The following IL1RAPL2 variants were observed in gnomAD, a reference collection of about 807,000 sequenced individuals.
IL1RAPL2 encodes the protein X-linked interleukin-1 receptor accessory protein-like 2.
Under a neutral mutation model 44.1 loss-of-function variants are expected in IL1RAPL2, and 3 were observed. The ratio of observed to expected loss-of-function variants is 0.07; its 90% confidence interval spans 0.03 to 0.18. IL1RAPL2 has a LOEUF of 0.18. Among genes scored for constraint, IL1RAPL2 ranks in the 10% least tolerant of loss-of-function variants. The pLI, the probability that IL1RAPL2 is intolerant of heterozygous loss-of-function variation, is 1.00. For missense variants in IL1RAPL2, 391 were observed against 496.4 expected (o/e 0.79, Z 2.02); for synonymous variants, 181 against 178.8 (o/e 1.01, Z -0.10).
At chrX:104,577,740 A>G (rs1928269541) in intron 1 of IL1RAPL2, among the ~76,000 whole-genome samples, 2 of 111,359 alleles carry the variant, frequency 1.8e-5, no homozygotes, top group Admixed American at 1.9e-4. Context: ...GCTAGGGCTT[A>G]TGTCAGGAGA....
At chrX:104,582,190 G>T (rs916900334) in intron 1 of IL1RAPL2, among the ~76,000 whole-genome samples, 2 of 112,160 alleles carry the variant, frequency 1.8e-5, no homozygotes, top group Non-Finnish European at 3.8e-5. Flanking sequence ...GCAAGGCCAA[G>T]AGCAGTCACA....
At chrX:104,922,364 A>C (rs2147692523) in intron 2 of IL1RAPL2, among the ~76,000 whole-genome samples, 1 of 112,788 alleles carries the variant, frequency 8.9e-6, no homozygotes, top group South Asian at 3.6e-4. Flanking sequence ...ATCGCCACCT[A>C]CTGGCCACTA....
At chrX:105,040,258 T>C (rs1330323755) in intron 2 of IL1RAPL2, among the ~76,000 whole-genome samples, 1 of 111,654 alleles carries the variant, frequency 9.0e-6, no homozygotes, top group Admixed American at 9.5e-5. Flanking sequence ...ATAAGCTTTT[T>C]GATGTGCTGC....
chrX:105,578,136 G>GT (rs1238871803), intron 6 of IL1RAPL2, among the ~76,000 whole-genome samples: 3 of 105,560 alleles, frequency 2.8e-5, no homozygotes, highest in Admixed American at 1.1e-4. Context: ...GCGGTGTTTG[G>GT]TTTTTTGTCC....
intron 4 of IL1RAPL2, among the ~76,000 whole-genome samples, chrX:105,238,090 A>T (rs2034137447): frequency 8.9e-6 from 1 of 112,320 alleles, no homozygotes; most frequent in Non-Finnish European, 1.9e-5. Flanking sequence ...GGACAGAAAA[A>T]GGAAAGTGAT....
intron 2 of IL1RAPL2, among the ~76,000 whole-genome samples, chrX:105,046,004 T>C (rs2031832594): frequency 9.0e-6 from 1 of 111,438 alleles, no homozygotes; most frequent in African/African-American, 3.3e-5. Context: ...TAGTTTCTTC[T>C]GAGAGCTTGA....
At chrX:105,086,577 A>G (rs972831874) in intron 2 of IL1RAPL2, among the ~76,000 whole-genome samples, 2 of 110,860 alleles carry the variant, frequency 1.8e-5, no homozygotes, top group African/African-American at 6.6e-5. Flanking sequence ...GCTATCGTTA[A>G]TAATCATGTC....
At position 105,415,149 on chromosome X, in the gene IL1RAPL2, A is replaced by G. The variant is rs190059506; in HGVS notation, c.698-69164A>G. Among the ~76,000 whole-genome samples the G allele has an allele frequency of 4.6e-3, 513 of 112,107 alleles. 5 individuals are homozygous for G. Among genetic ancestry groups the G allele is most frequent in the African/African-American group, 0.016 (487 of 30,887 alleles). ...TAGCTATATTCCATTGCTTTAAAATAAAAGATCTATTTTCAAAGACATATC... is the reference window on the plus strand; with the variant it reads ...TAGCTATATTCCATTGCTTTAAAATGAAAGATCTATTTTCAAAGACATATC... On this transcript the variant is annotated intron_variant, in intron 5 of 10. Transcript: ENST00000372582.
chrX:104,694,611 G>T (rs1175379159), intron 2 of IL1RAPL2, among the ~76,000 whole-genome samples: 2 of 111,196 alleles, frequency 1.8e-5, no homozygotes, highest in Non-Finnish European at 3.8e-5. Context: ...GAGCCCAGGA[G>T]GGCGGGCTAA....
At position 105,022,445 on chromosome X, in the gene IL1RAPL2, A is replaced by G. The variant is rs762955469; in HGVS notation, c.83-173030A>G. Among the ~76,000 whole-genome samples the G allele has an allele frequency of 4.5e-5, 5 of 111,696 alleles. No homozygotes were observed. The South Asian group carries it at 1.9e-3, about 42-fold the overall frequency. On this transcript the variant is annotated intron_variant, in intron 2 of 10. Coordinates refer to ENST00000372582, the MANE Select transcript of IL1RAPL2 (RefSeq NM_017416.2). Reference sequence around the variant, plus strand: ...GTCACACGTATTAAATGACTTAAAGACACATCCTTCTCTCCTCTGTCTCAA... The same window carrying G: ...GTCACACGTATTAAATGACTTAAAGGCACATCCTTCTCTCCTCTGTCTCAA...
At chrX:104,901,334 G>A (rs1366284878) in intron 2 of IL1RAPL2, among the ~76,000 whole-genome samples, 4 of 102,705 alleles carry the variant, frequency 3.9e-5, no homozygotes, top group East Asian at 3.3e-4. Flanking sequence ...CCTCAGCCTC[G>A]CGAGTAGCTG....
intron 2 of IL1RAPL2, among the ~76,000 whole-genome samples, chrX:104,965,867 C>A (rs769176581): frequency 2.1e-4 from 23 of 110,690 alleles, no homozygotes; most frequent in Non-Finnish European, 4.2e-4. Flanking sequence ...TGTCAAGGTG[C>A]AGTTCAGAGA....
intron 6 of IL1RAPL2, among the ~76,000 whole-genome samples, chrX:105,563,294 G>A (rs2036952624): frequency 9.0e-6 from 1 of 111,708 alleles, no homozygotes; most frequent in Non-Finnish European, 1.9e-5. Flanking sequence ...AAGGGAAAGA[G>A]CTAGAGTTTG....
At chrX:105,241,355 A>T (rs781895634) in intron 4 of IL1RAPL2, among the ~76,000 whole-genome samples, 1 of 112,004 alleles carries the variant, frequency 8.9e-6, no homozygotes, top group Non-Finnish European at 1.9e-5. Context: ...TTACTCATTG[A>T]TAGAGGAAAG....
chrX:105,034,516 GCAGCGGTGGCTGCAGAA>G (rs1480065606), intron 2 of IL1RAPL2, among the ~76,000 whole-genome samples: 1 of 112,322 alleles, frequency 8.9e-6, no homozygotes, highest in Non-Finnish European at 1.9e-5. Context: ...CTGGGTATCA[GCAGCGGTGGCTGCAGAA>G]CAGCGGTGGC....
intron 2 of IL1RAPL2, among the ~76,000 whole-genome samples, chrX:104,723,636 C>G (rs1316248494): frequency 1.8e-5 from 2 of 110,504 alleles, no homozygotes; most frequent in Non-Finnish European, 3.8e-5. Context: ...ACAAAAAAAT[C>G]CTACCCACAG....
intron 2 of IL1RAPL2, among the ~76,000 whole-genome samples, chrX:104,907,230 T>C (rs1356897200): frequency 2.7e-5 from 3 of 111,848 alleles, no homozygotes; most frequent in Non-Finnish European, 3.8e-5. Flanking sequence ...TCTATCTATT[T>C]TGTTGATCCT....
At chrX:104,672,394 A>G (rs895304521) in intron 2 of IL1RAPL2, among the ~76,000 whole-genome samples, 6 of 110,560 alleles carry the variant, frequency 5.4e-5, no homozygotes, top group African/African-American at 1.6e-4. Context: ...ATGTTTTCCA[A>G]TTTCATCCAT....
intron 1 of IL1RAPL2, among the ~76,000 whole-genome samples, chrX:104,633,066 G>T (rs1402333269): frequency 9.0e-6 from 1 of 111,437 alleles, no homozygotes; most frequent in Admixed American, 9.6e-5. Context: ...GTTGAATTTT[G>T]TCAAAGGCCT....
Sources: allele counts gnomAD v4.1 joint callset (sites outside exome capture counted in the v4.1 genomes callset), GRCh38; gene constraint gnomAD v4.1.1; transcripts MANE v1.5; gene names NCBI Gene and HGNC (gene_info 2026-07-23, HGNC 2026-07-21).